Variants in CYTH3 observed in about 807,000 individuals in gnomAD.
CYTH3 encodes cytohesin 3.
Under a neutral mutation model 55.1 loss-of-function variants are expected in CYTH3, and 23 were observed. That is an observed-to-expected ratio of 0.42 (90% CI 0.30 to 0.59). The LOEUF (loss-of-function observed/expected upper bound fraction) is 0.59. Ranked by LOEUF, CYTH3 falls within the 20% of genes least tolerant of loss-of-function variation. The pLI is 0.20. For missense variants in CYTH3, 413 were observed against 524.8 expected (o/e 0.79, Z 2.08); for synonymous variants, 249 against 194.9 (o/e 1.28, Z -2.31).
At chr7:6,259,784 A>AC (rs1491413119) in intron 1 of CYTH3, among the ~76,000 whole-genome samples, 1 of 20,948 alleles carries the variant, frequency 4.8e-5, no homozygotes. Flanking sequence ...ATATATATAT[A>AC]ATATATATAT....
chr7:6,248,857 A>G (rs932870981), intron 1 of CYTH3, among the ~76,000 whole-genome samples: 5 of 152,088 alleles, frequency 3.3e-5, no homozygotes, highest in Non-Finnish European at 5.9e-5. Context: ...CTTTTTCTCA[A>G]TCACTTCCAT....
intron 1 of CYTH3, among the ~76,000 whole-genome samples, chr7:6,247,682 C>T (rs900135590): frequency 6.6e-6 from 1 of 152,066 alleles, no homozygotes; most frequent in Non-Finnish European, 1.5e-5. Flanking sequence ...CAGGGTCTGT[C>T]GCCCAGGCTG....
chr7:6,269,323 T>C (rs1236888242), intron 1 of CYTH3, among the ~76,000 whole-genome samples: 2 of 152,244 alleles, frequency 1.3e-5, no homozygotes, highest in African/African-American at 4.8e-5. Context: ...ACTTGGGGGT[T>C]ATCACCTGTC....
chr7:6,186,764 G>C (rs1392234263), intron 4 of CYTH3, among the ~76,000 whole-genome samples: 1 of 152,182 alleles, frequency 6.6e-6, no homozygotes, highest in Non-Finnish European at 1.5e-5. Flanking sequence ...CTGGAGCCAA[G>C]CCCGGCCTGT....
chr7:6,226,436 G>A (rs1009661962), intron 1 of CYTH3, among the ~76,000 whole-genome samples: 1 of 152,164 alleles, frequency 6.6e-6, no homozygotes, highest in Non-Finnish European at 1.5e-5. Context: ...AGATGAGGGT[G>A]GGGAGGTGGG....
At chr7:6,168,627 C>A (rs1419496620) in intron 9 of CYTH3, among the ~76,000 whole-genome samples, 1 of 152,230 alleles carries the variant, frequency 6.6e-6, no homozygotes, top group East Asian at 1.9e-4. Context: ...ACCAGCCCCT[C>A]CAGGGCCCCT....
In CYTH3 at chr7:6,255,758, G is replaced by GTTTTT. The variant is rs397889923; in HGVS notation, c.34+16711_34+16715dup. ...ACTACCCAAGTTTGACCTTTAATCT[G>GTTTTT]TTTTTTTTTTTTTTTTTTTTTTTGA... is the stretch of plus-strand genomic sequence containing the variant. On this transcript the variant is annotated intron_variant, in intron 1 of 12. Transcript: ENST00000350796. Among the ~76,000 whole-genome samples, 74 of 89,398 alleles carry GTTTTT rather than the reference G, an allele frequency of 8.3e-4. 1 individual carries two copies. The highest frequency in any genetic ancestry group is 9.3e-4 in the Non-Finnish European group (44 of 47,396). 58.6% of individuals were successfully genotyped at this position (89,398 alleles called of 152,430 possible). A position where few individuals can be genotyped will look rare whatever the true frequency, so the allele number is the denominator to read the frequency against.
chr7:6,215,834 G>C (rs536936726), intron 1 of CYTH3, among the ~76,000 whole-genome samples: 2 of 152,122 alleles, frequency 1.3e-5, no homozygotes, highest in South Asian at 4.1e-4. Context: ...AGAGGAGAAA[G>C]ATAATTCAAA....
chr7:6,207,237 G>C (rs936026129), intron 1 of CYTH3, among the ~76,000 whole-genome samples: 3 of 151,636 alleles, frequency 2.0e-5, no homozygotes, highest in Non-Finnish European at 4.4e-5. Context: ...TGGGACTACA[G>C]GCACCTGCCA....
chr7:6,218,555 G>A (rs151324990), intron 1 of CYTH3, among the ~76,000 whole-genome samples: 2,027 of 152,194 alleles, frequency 0.013, 26 homozygotes, highest in Middle Eastern at 0.061. Flanking sequence ...CAACAGCCTC[G>A]GGAAACAAAT....
chr7:6,223,275 G>C (rs1779132818), intron 1 of CYTH3, among the ~76,000 whole-genome samples: 1 of 152,198 alleles, frequency 6.6e-6, no homozygotes, highest in East Asian at 1.9e-4. Flanking sequence ...CCCCGTCTGG[G>C]AAGTGAGGAG....
intron 1 of CYTH3, among the ~76,000 whole-genome samples, chr7:6,263,712 C>T (rs941131567): frequency 6.6e-5 from 10 of 151,712 alleles, no homozygotes; most frequent in African/African-American, 2.4e-4. Context: ...GCAGAAGAAT[C>T]GCTTGAACCT....
chr7:6,271,452 TG>T (rs1780651345), intron 1 of CYTH3, among the ~76,000 whole-genome samples: 1 of 151,732 alleles, frequency 6.6e-6, no homozygotes, highest in African/African-American at 2.4e-5. Flanking sequence ...ATGATTCTGA[TG>T]ATTTCTCTGT....
At chr7:6,258,061 G>A (rs1374338885) in intron 1 of CYTH3, among the ~76,000 whole-genome samples, 1 of 152,172 alleles carries the variant, frequency 6.6e-6, no homozygotes, top group East Asian at 1.9e-4. Flanking sequence ...ATCACTTGAG[G>A]CCAGGAGTTT....
At chr7:6,188,241 G>T (rs868733087) in intron 2 of CYTH3, among the ~76,000 whole-genome samples, 10 of 151,944 alleles carry the variant, frequency 6.6e-5, no homozygotes, top group Admixed American at 6.6e-5. Context: ...GCTGAGGAGG[G>T]AGGACTGCAT....
At chr7:6,224,315 TAAAAA>T (rs11458182) in intron 1 of CYTH3, among the ~76,000 whole-genome samples, 1 of 86,662 alleles carries the variant, frequency 1.2e-5, no homozygotes, top group Admixed American at 1.2e-4. Context: ...CAAAAATAGG[TAAAAA>T]AAAAAAAAAA....
At position 6,259,830 on chromosome 7, in the gene CYTH3, ATATTTTT is replaced by A. The variant is rs1780302644; in HGVS notation, c.34+12637_34+12643del. Among the ~76,000 whole-genome samples the A allele has an allele frequency of 1.4e-3, 28 of 20,254 alleles. 4 individuals are homozygous for A. Among genetic ancestry groups the A allele is most frequent in the East Asian group, 0.013 (8 of 594 alleles). The allele number at this position is 20,254 out of a possible 152,430, so 13.3% of individuals were successfully genotyped here. A position where few individuals can be genotyped will look rare whatever the true frequency, so the allele number is the denominator to read the frequency against. ...ATATATATAATATATATATATATAT[ATATTTTT>A]TTTTTTTTTTAAGACGGATTTTCGC... On this transcript the variant is annotated intron_variant, in intron 1 of 12. Coordinates refer to ENST00000350796, the MANE Select transcript of CYTH3 (RefSeq NM_004227.4).
intron 1 of CYTH3, among the ~76,000 whole-genome samples, chr7:6,233,870 G>A (rs564488939): frequency 1.4e-4 from 22 of 152,128 alleles, no homozygotes; most frequent in Non-Finnish European, 8.8e-5. Flanking sequence ...AGGTGCCGGC[G>A]GATTCAGTGT....
intron 1 of CYTH3, among the ~76,000 whole-genome samples, chr7:6,222,053 C>T (rs1204460733): frequency 1.3e-5 from 2 of 152,196 alleles, no homozygotes; most frequent in African/African-American, 4.8e-5. Context: ...GAAGGACTTA[C>T]ACATCTGACC....
Sources: gnomAD v4.1 joint callset for allele counts (sites outside exome capture counted in the v4.1 genomes callset) on GRCh38, gnomAD v4.1.1 for gene constraint, MANE v1.5 for transcripts, NCBI Gene and HGNC (gene_info 2026-07-23, HGNC 2026-07-21) for gene names.